The following NKIRAS1 variants were observed in gnomAD, a reference collection of about 807,000 sequenced individuals.
NKIRAS1 encodes the protein NFKB inhibitor interacting Ras like 1.
In NKIRAS1, 16 loss-of-function variants were observed where a neutral mutation model predicts 19.8. The observed-to-expected ratio is 0.81, with a 90% CI of 0.55 to 1.23. NKIRAS1 has a LOEUF of 1.23. Among genes scored for constraint, NKIRAS1 ranks in the 50% most tolerant of loss-of-function variants. The pLI is 0.00. For synonymous variants in NKIRAS1, 88 were observed against 79.0 expected (o/e 1.11, Z -0.61); for missense variants, 184 against 220.0 (o/e 0.84, Z 1.04).
In NKIRAS1 at chr3:23,904,143, TAAAAAAAGAA is replaced by T. The variant is rs369250595; in HGVS notation, c.95-3104_95-3095del. Among the ~76,000 whole-genome samples the T allele has an allele frequency of 4.3e-4, 65 of 151,558 alleles. 1 individual carries two copies. Among genetic ancestry groups the T allele is most frequent in the African/African-American group, 1.6e-3 (64 of 41,210 alleles). On this transcript the variant is annotated intron_variant, in intron 3 of 4. Coordinates refer to ENST00000425478, the MANE Select transcript of NKIRAS1 (RefSeq NM_020345.4). ...TCGTGCCACTGCACTCCAACCCGAGTAAAAAAAGAAAAAGAAAGAAAAGAAAAGATCAATT... is the reference window on the plus strand; with the variant it reads ...TCGTGCCACTGCACTCCAACCCGAGTAAAGAAAGAAAAGAAAAGATCAATT...
chr3:23,893,850 T>A (rs1242615621), intron 4 of NKIRAS1, among the ~76,000 whole-genome samples: 1 of 134,688 alleles, frequency 7.4e-6, no homozygotes, highest in Non-Finnish European at 1.6e-5. Context: ...TTGCTAACTG[T>A]AAAAAAAAAA....
Position 23,943,763 on chromosome 3 carries a change from T to C in NKIRAS1, c.-140+2560A>G, listed in dbSNP as rs116102834. Among the ~76,000 whole-genome samples the C allele has an allele frequency of 8.2e-3, 1,250 of 152,120 alleles. 18 individuals are homozygous for C. Among genetic ancestry groups the C allele is most frequent in the African/African-American group, 0.028 (1,181 of 41,498 alleles). On this transcript the variant is annotated intron_variant, in intron 1 of 4. Coordinates refer to the NKIRAS1 transcript ENST00000421515. ...ACATGAGGGTGATAAATTCCAGAAG[T>C]AGGGAAGAATAGAGGGCTACCGTGA...
Position 23,901,165 on chromosome 3 carries a change from A to C in NKIRAS1, c.95-116T>G. 8.9e-6 allele frequency: 10 copies of C among 1,118,252 alleles called. 1 individual carries two copies. In the South Asian group the frequency reaches 1.6e-4, roughly 18 times the overall value. 69.3% of individuals were successfully genotyped at this position (1,118,252 alleles called of 1,614,324 possible). On this transcript the variant is annotated intron_variant, in intron 3 of 4. Transcript: ENST00000425478. ...TTCTTATTTACCACATATAATAATCACATTTCTATTTTACTTTTTTTTTTT... is the reference window on the plus strand; with the variant it reads ...TTCTTATTTACCACATATAATAATCCCATTTCTATTTTACTTTTTTTTTTT...
At chr3:23,900,265 TG>T (rs2125375649) in intron 4 of NKIRAS1, among the ~76,000 whole-genome samples, 1 of 152,222 alleles carries the variant, frequency 6.6e-6, no homozygotes, top group South Asian at 2.1e-4. Context: ...AACTTGTAGA[TG>T]GTAACAAGCA....
rs1464126983 is a variant in NKIRAS1, at chr3:23,892,643, A to C, written c.*452T>G. On this transcript the variant is annotated 3_prime_UTR_variant, in exon 5 of 5. Transcript: ENST00000425478. ...ATGTTTTGGGTCCAATTTAGACACAAAAAAATGTTTTATAATCCTAGACAT... is the reference window on the plus strand; with the variant it reads ...ATGTTTTGGGTCCAATTTAGACACACAAAAATGTTTTATAATCCTAGACAT... The C allele has an allele frequency of 6.6e-6, 1 of 152,440 alleles. No individual in the cohort carries two copies. Among genetic ancestry groups the C allele is most frequent in the Non-Finnish European group, 1.5e-5 (1 of 68,226 alleles). 9.4% of individuals were successfully genotyped at this position (152,440 alleles called of 1,614,324 possible).
intron 1 of NKIRAS1, among the ~76,000 whole-genome samples, chr3:23,913,391 G>A (rs1215884533): frequency 1.3e-5 from 2 of 152,164 alleles, no homozygotes; most frequent in African/African-American, 2.4e-5. Flanking sequence ...AAGATGAAAA[G>A]ATAAGTGTGA....
chr3:23,946,054 G>C, intron 1 of NKIRAS1: 9 of 973,740 alleles, frequency 9.2e-6, no homozygotes, highest in Non-Finnish European at 1.1e-5. Context: ...CGCTGGCTGG[G>C]AGCGCCGCAG....
At chr3:23,905,021 G>T (rs2125394591) in intron 3 of NKIRAS1, among the ~76,000 whole-genome samples, 1 of 152,202 alleles carries the variant, frequency 6.6e-6, no homozygotes, top group Admixed American at 6.5e-5. Context: ...TAGAGATGGG[G>T]TCTCCTGATG....
At chr3:23,903,496 G>T (rs562578033) in intron 3 of NKIRAS1, among the ~76,000 whole-genome samples, 1 of 151,946 alleles carries the variant, frequency 6.6e-6, no homozygotes, top group African/African-American at 2.4e-5. Context: ...AGAAGAGACC[G>T]CTACAGAGAA....
At position 23,922,760 on chromosome 3, in the gene NKIRAS1, C is replaced by G. The variant is rs1705132760; in HGVS notation, c.-139-11310G>C. ...TAAGTATAGGCTCTACAGTACAAAC[C>G]CTTCTGCCTCCTAGTTCCTCTCCCT... On this transcript the variant is annotated intron_variant, in intron 1 of 4. Transcript: ENST00000421515. The surrounding 1 kb of genome is among the most constrained non-coding windows in gnomAD (Gnocchi z 4.2). 1 of 152,082 alleles carries G rather than the reference C, an allele frequency of 6.6e-6. No individual in the cohort carries two copies. Among genetic ancestry groups the G allele is most frequent in the South Asian group, 2.1e-4 (1 of 4,822 alleles). The allele number at this position is 152,082 out of a possible 1,614,324, so 9.4% of individuals were successfully genotyped here.
chr3:23,906,215 GGTGGCAC>G (rs1401740022), intron 3 of NKIRAS1, among the ~76,000 whole-genome samples: 7 of 150,696 alleles, frequency 4.6e-5, no homozygotes, highest in Non-Finnish European at 1.0e-4. Flanking sequence ...CCATGATGAT[GGTGGCAC>G]AGTAGATAAG....
chr3:23,898,722 G>C (rs1320350021), intron 4 of NKIRAS1, among the ~76,000 whole-genome samples: 3 of 152,156 alleles, frequency 2.0e-5, no homozygotes, highest in Non-Finnish European at 4.4e-5. Context: ...GGGATTACAG[G>C]TGTGAATCAC....
chr3:23,911,220 A>C, intron 2 of NKIRAS1, 109 bp downstream of exon 2: 1 of 229,152 alleles, frequency 4.4e-6, no homozygotes, highest in Non-Finnish European at 8.7e-6. Flanking sequence ...TTGGGAGTCC[A>C]AGGCGGGTGG....
chr3:23,921,296 C>T (rs1705067476), upstream of NKIRAS1, among the ~76,000 whole-genome samples: 1 of 152,176 alleles, frequency 6.6e-6, no homozygotes, highest in African/African-American at 2.4e-5. Context: ...TCATGGCACT[C>T]CCGTGCAAAA....
At chr3:23,940,167 C>CAAAAAA (rs1559517464) in intron 1 of NKIRAS1, among the ~76,000 whole-genome samples, 6 of 28,910 alleles carry the variant, frequency 2.1e-4, no homozygotes, top group South Asian at 1.1e-3. Flanking sequence ...CCCATCTCTA[C>CAAAAAA]CAAAAAAAAA....
chr3:23,919,141 C>T (rs1165087371), upstream of NKIRAS1: 2 of 1,226,096 alleles, frequency 1.6e-6, no homozygotes, highest in Non-Finnish European at 2.4e-6. Flanking sequence ...TTCTTTCTGA[C>T]TTGCTGCTAT....
At chr3:23,914,738 G>A (rs1256230538) in intron 1 of NKIRAS1, among the ~76,000 whole-genome samples, 3 of 152,216 alleles carry the variant, frequency 2.0e-5, no homozygotes, top group Admixed American at 6.5e-5. Flanking sequence ...TTGTAAAACT[G>A]TTAACTGAGA....
At chr3:23,943,172 C>A (rs1291981658) in intron 1 of NKIRAS1, among the ~76,000 whole-genome samples, 6 of 152,242 alleles carry the variant, frequency 3.9e-5, no homozygotes, top group African/African-American at 1.4e-4. Context: ...GTGCTCTATT[C>A]ATCCCTCCTT....
At chr3:23,911,763 G>A (rs1211356251) in intron 1 of NKIRAS1, among the ~76,000 whole-genome samples, 1 of 147,550 alleles carries the variant, frequency 6.8e-6, no homozygotes, top group African/African-American at 2.5e-5. Flanking sequence ...TAGTCACGTG[G>A]GCTTTTTTTT....
Sources: gnomAD v4.1 joint callset for allele counts (sites outside exome capture counted in the v4.1 genomes callset) on GRCh38, gnomAD v4.1.1 for gene constraint, Gnocchi (gnomAD v3.1) non-coding constraint, MANE v1.5 for transcripts, NCBI Gene and HGNC (gene_info 2026-07-23, HGNC 2026-07-21) for gene names.